The following CNTN4 variants were observed in gnomAD, a reference collection of about 807,000 sequenced individuals.
CNTN4 encodes the protein contactin-4.
CNTN4 carries 77 observed loss-of-function variants against 122.5 expected under a neutral mutation model. That is an observed-to-expected ratio of 0.63 (90% CI 0.52 to 0.76). The LOEUF (loss-of-function observed/expected upper bound fraction) is 0.76. Ranked by LOEUF, CNTN4 falls within the 30% of genes least tolerant of loss-of-function variation. The pLI is 0.00. For missense variants in CNTN4, 1,256 were observed against 1,259.1 expected (o/e 1.00, Z 0.04); for synonymous variants, 512 against 447.0 (o/e 1.15, Z -1.83).
At chr3:2,791,628 T>G (rs1221804120) in intron 6 of CNTN4, among the ~76,000 whole-genome samples, 1 of 152,136 alleles carries the variant, frequency 6.6e-6, no homozygotes, top group Non-Finnish European at 1.5e-5. Flanking sequence ...TGATGCCTGA[T>G]GTATTACTTT....
intron 14 of CNTN4, among the ~76,000 whole-genome samples, chr3:3,003,037 A>G (rs938563655): frequency 6.6e-5 from 10 of 152,314 alleles, no homozygotes; most frequent in South Asian, 4.2e-4. Context: ...TGATCTTGCC[A>G]GGCTGAATAG....
At chr3:2,705,613 TTA>T (rs1437846594) in intron 4 of CNTN4, among the ~76,000 whole-genome samples, 1 of 75,496 alleles carries the variant, frequency 1.3e-5, no homozygotes. Context: ...TTTTATATAT[TTA>T]TATATAATAT....
chr3:2,359,540 T>A (rs1395925132), intron 3 of CNTN4, among the ~76,000 whole-genome samples: 2 of 152,020 alleles, frequency 1.3e-5, no homozygotes, highest in African/African-American at 4.8e-5. Flanking sequence ...ATATATGATT[T>A]TGTTTTGTTT....
chr3:2,354,944 A>T (rs1314175291), intron 3 of CNTN4, among the ~76,000 whole-genome samples: 1 of 152,222 alleles, frequency 6.6e-6, no homozygotes, highest in African/African-American at 2.4e-5. Context: ...TGTCTTGGGG[A>T]TACATTGTGT....
intron 4 of CNTN4, among the ~76,000 whole-genome samples, chr3:2,691,441 G>A (rs1285096208): frequency 6.6e-6 from 1 of 152,092 alleles, no homozygotes; most frequent in African/African-American, 2.4e-5. Flanking sequence ...AAAAGATTCA[G>A]TTTTACTCCC....
chr3:2,144,426 CAT>C (rs1357966181), intron 2 of CNTN4, among the ~76,000 whole-genome samples: 1 of 152,168 alleles, frequency 6.6e-6, no homozygotes, highest in Non-Finnish European at 1.5e-5. Context: ...ACGGGATTTT[CAT>C]AGAGTTTCTA....
intron 13 of CNTN4, among the ~76,000 whole-genome samples, chr3:2,963,339 C>CAGT (rs2094880808): frequency 6.6e-6 from 1 of 152,122 alleles, no homozygotes; most frequent in South Asian, 2.1e-4. Context: ...TTTTCCTTTA[C>CAGT]AGTACCTCAT....
At chr3:2,989,264 A>C (rs1694849370) in intron 14 of CNTN4, among the ~76,000 whole-genome samples, 1 of 152,148 alleles carries the variant, frequency 6.6e-6, no homozygotes, top group Non-Finnish European at 1.5e-5. Context: ...GATGAGGCTC[A>C]GGTTGGTGGT....
intron 3 of CNTN4, among the ~76,000 whole-genome samples, chr3:2,535,944 C>T (rs1488405922): frequency 6.6e-6 from 1 of 152,066 alleles, no homozygotes; most frequent in Admixed American, 6.6e-5. Context: ...TTTCCCAAAG[C>T]TGTGTTTTTG....
intron 13 of CNTN4, among the ~76,000 whole-genome samples, chr3:2,973,589 C>T (rs954812111): frequency 6.6e-6 from 1 of 151,930 alleles, no homozygotes; most frequent in African/African-American, 2.4e-5. Flanking sequence ...AGTCCTAATC[C>T]CAGGAATTGT....
intron 10 of CNTN4, chr3:2,892,214 C>A (rs1026489526): frequency 6.6e-6 from 1 of 152,162 alleles, no homozygotes; most frequent in African/African-American, 2.4e-5. Context: ...TTCTGGGTCT[C>A]GTTCTATGTT....
In CNTN4 at chr3:3,026,215, T is replaced by A. The variant is rs779243052; in HGVS notation, c.1600T>A (p.Ser534Thr). 1 of 1,613,548 alleles carries A rather than the reference T, an allele frequency of 6.2e-7. No individual in the cohort carries two copies. The highest frequency in any genetic ancestry group is 8.5e-7 in the Non-Finnish European group (1 of 1,179,576). ...CTCGCTAGACATCGTGTTTACTTGG[T>A]CATTTAATGGACACCTGATAGACTT... ...DHSLDIVFTW[S>T]FNGHLIDFDR... is the part of the protein sequence containing the mutation. Residue 534 changes from serine to threonine, a missense_variant, in exon 15 of 25, where the codon TCA (serine) becomes ACA (threonine). Physicochemically the swap from Ser to Thr is moderately conservative, Grantham distance 58. Coordinates refer to ENST00000418658, the MANE Select transcript of CNTN4 (RefSeq NM_175607.3).
At chr3:2,668,217 C>A (rs1304442217) in intron 4 of CNTN4, among the ~76,000 whole-genome samples, 3 of 152,120 alleles carry the variant, frequency 2.0e-5, no homozygotes, top group Non-Finnish European at 4.4e-5. Flanking sequence ...ATTCTTCCTA[C>A]CCTGGAGCAT....
At chr3:2,530,433 C>T (rs761483520) in intron 3 of CNTN4, among the ~76,000 whole-genome samples, 10 of 151,684 alleles carry the variant, frequency 6.6e-5, no homozygotes, top group South Asian at 4.2e-4. Flanking sequence ...CTTAGGCTCC[C>T]GGATAGCTGG....
chr3:2,252,800 G>A (rs561043716), intron 2 of CNTN4, among the ~76,000 whole-genome samples: 3 of 152,054 alleles, frequency 2.0e-5, no homozygotes, highest in Admixed American at 6.6e-5. Context: ...GGTTCTTTCT[G>A]AAATCATCAA....
intron 13 of CNTN4, among the ~76,000 whole-genome samples, chr3:2,968,507 A>G (rs747890470): frequency 6.6e-6 from 1 of 152,172 alleles, no homozygotes; most frequent in Non-Finnish European, 1.5e-5. Context: ...TTTTGTCTGA[A>G]TTTTCTGAAA....
At chr3:2,106,559 C>T (rs2032460349) in intron 2 of CNTN4, among the ~76,000 whole-genome samples, 1 of 152,218 alleles carries the variant, frequency 6.6e-6, no homozygotes, top group South Asian at 2.1e-4. Context: ...TTAGCTACAG[C>T]TGGAGTGGCT....
At chr3:2,757,942 T>C (rs1326684146) in intron 6 of CNTN4, among the ~76,000 whole-genome samples, 1 of 152,200 alleles carries the variant, frequency 6.6e-6, no homozygotes, top group Non-Finnish European at 1.5e-5. Context: ...ATGATTAGAG[T>C]ATTAATTTGC....
intron 2 of CNTN4, among the ~76,000 whole-genome samples, chr3:2,290,515 A>T (rs912692491): frequency 6.6e-6 from 1 of 152,234 alleles, no homozygotes; most frequent in African/African-American, 2.4e-5. Flanking sequence ...AAGGCTGGAT[A>T]AAAAGAGAGA....
Sources: allele counts gnomAD v4.1 joint callset (sites outside exome capture counted in the v4.1 genomes callset), GRCh38; gene constraint gnomAD v4.1.1; transcripts MANE v1.5; gene names NCBI Gene and HGNC (gene_info 2026-07-23, HGNC 2026-07-21).